CNTN4: variants seen among roughly 807,000 people sequenced by gnomAD.
CNTN4 encodes contactin-4.
In CNTN4, 77 loss-of-function variants were observed where a neutral mutation model predicts 122.5. The observed-to-expected ratio is 0.63, with a 90% CI of 0.52 to 0.76. The LOEUF is 0.76. CNTN4 is among the 30% of genes least tolerant of loss of function. The probability of loss-of-function intolerance (pLI) is 0.00; values close to 1 mark genes in which losing one functional copy is unlikely to be tolerated. For synonymous variants in CNTN4, 512 were observed against 447.0 expected (o/e 1.15, Z -1.83); for missense variants, 1,256 against 1,259.1 (o/e 1.00, Z 0.04).
At chr3:2,638,325 G>T (rs1166664383) in intron 4 of CNTN4, among the ~76,000 whole-genome samples, 45 of 152,030 alleles carry the variant, frequency 3.0e-4, no homozygotes, top group Non-Finnish European at 1.9e-4. Context: ...TCAGTGTTGT[G>T]CCCCTGTCCC....
At chr3:2,588,384 T>C (rs2080303442) in intron 4 of CNTN4, among the ~76,000 whole-genome samples, 1 of 152,178 alleles carries the variant, frequency 6.6e-6, no homozygotes, top group African/African-American at 2.4e-5. Context: ...GTTTGTTTTT[T>C]GAGACAGAGC....
At chr3:2,101,438 G>C (rs527826087) in intron 2 of CNTN4, among the ~76,000 whole-genome samples, 6 of 152,126 alleles carry the variant, frequency 3.9e-5, no homozygotes, top group African/African-American at 1.4e-4. Flanking sequence ...ATATGCATTA[G>C]CTTCAATCTC....
intron 2 of CNTN4, among the ~76,000 whole-genome samples, chr3:2,164,194 C>G (rs1012319071): frequency 1.3e-5 from 2 of 150,622 alleles, no homozygotes; most frequent in Non-Finnish European, 3.0e-5. Context: ...AAAAGGAAAG[C>G]AAAATTAAAA....
intron 3 of CNTN4, among the ~76,000 whole-genome samples, chr3:2,510,599 A>T (rs2076858209): frequency 6.6e-6 from 1 of 152,136 alleles, no homozygotes; most frequent in African/African-American, 2.4e-5. Context: ...AATGTTTTAT[A>T]TCCATAACCC....
At chr3:2,854,314 C>T (rs2093594845) in intron 7 of CNTN4, among the ~76,000 whole-genome samples, 1 of 113,756 alleles carries the variant, frequency 8.8e-6, no homozygotes, top group Non-Finnish European at 1.7e-5. Context: ...CTCTTGTTGC[C>T]CAGGCTGGAG....
chr3:2,599,646 T>C (rs1307627370), intron 4 of CNTN4, among the ~76,000 whole-genome samples: 2 of 152,210 alleles, frequency 1.3e-5, no homozygotes, highest in Non-Finnish European at 2.9e-5. Flanking sequence ...GAATGATTTG[T>C]AGCCTTTATC....
intron 2 of CNTN4, among the ~76,000 whole-genome samples, chr3:2,249,887 T>A (rs1033429900): frequency 6.6e-6 from 1 of 151,888 alleles, no homozygotes; most frequent in Non-Finnish European, 1.5e-5. Context: ...GATTTTAGAT[T>A]TTTTTCAAGA....
intron 2 of CNTN4, among the ~76,000 whole-genome samples, chr3:2,306,525 A>T (rs962756766): frequency 1.3e-5 from 2 of 152,200 alleles, no homozygotes; most frequent in African/African-American, 4.8e-5. Context: ...AGTTCTTGAT[A>T]TATTCTGGAT....
chr3:2,111,656 A>G (rs1441740377), intron 2 of CNTN4, among the ~76,000 whole-genome samples: 2 of 152,134 alleles, frequency 1.3e-5, no homozygotes, highest in Non-Finnish European at 2.9e-5. Context: ...ACAAATATAT[A>G]TTAAAGTTAG....
intron 3 of CNTN4, among the ~76,000 whole-genome samples, chr3:2,392,226 C>G (rs542258914): frequency 6.6e-6 from 1 of 152,286 alleles, no homozygotes; most frequent in African/African-American, 2.4e-5. Flanking sequence ...CACGTCATCC[C>G]CTGTGAGGCT....
Position 2,246,703 on chromosome 3 carries a change from A to G in CNTN4, c.-144-92475A>G, listed in dbSNP as rs548589008. The stretch of plus-strand genomic sequence containing the variant: ...AATAATTACCCACAAAGGGCTTTTT[A>G]CCATGAAAAGGAGAGAGGGGATGGT... On this transcript the variant is annotated intron_variant, in intron 2 of 24. Transcript: ENST00000418658. Among the ~76,000 whole-genome samples the G allele has an allele frequency of 9.2e-5, 14 of 152,154 alleles. No homozygotes were observed. The South Asian group carries it at 2.1e-3, about 23-fold the overall frequency.
chr3:3,006,551 A>C (rs1696667637), intron 14 of CNTN4, among the ~76,000 whole-genome samples: 1 of 152,216 alleles, frequency 6.6e-6, no homozygotes, highest in South Asian at 2.1e-4. Context: ...TTTATATTCA[A>C]GCTAAGGCCC....
intron 3 of CNTN4, among the ~76,000 whole-genome samples, chr3:2,384,447 A>C (rs1189923304): frequency 6.6e-6 from 1 of 152,226 alleles, no homozygotes; most frequent in Admixed American, 6.5e-5. Context: ...GTGGGGAAAA[A>C]GCAAGGGAAA....
chr3:2,191,724 A>ACACACACT (rs71056399), intron 2 of CNTN4, among the ~76,000 whole-genome samples: 1 of 151,192 alleles, frequency 6.6e-6, no homozygotes, highest in East Asian at 1.9e-4. Context: ...ACACACACAC[A>ACACACACT]TACACACACA....
intron 3 of CNTN4, among the ~76,000 whole-genome samples, chr3:2,432,058 CACAA>C (rs1308732032): frequency 6.6e-6 from 1 of 152,212 alleles, no homozygotes; most frequent in Admixed American, 6.5e-5. Context: ...ACTCTCACTG[CACAA>C]ACAATGAGCC....
At chr3:2,866,689 A>C in intron 7 of CNTN4, 63 bp from the exon 8 acceptor site, 1 of 1,465,004 alleles carries the variant, frequency 6.8e-7, no homozygotes, top group Non-Finnish European at 9.6e-7. Flanking sequence ...CATTTCTTTC[A>C]TGAAAACAGT....
At chr3:2,793,453 G>T (rs1189350135) in intron 6 of CNTN4, among the ~76,000 whole-genome samples, 3 of 152,074 alleles carry the variant, frequency 2.0e-5, no homozygotes, top group East Asian at 1.9e-4. Context: ...ATGGAACAAA[G>T]AACTTTGAGT....
In CNTN4 at chr3:2,258,863, T is replaced by C. The variant is rs1028794883; in HGVS notation, c.-144-80315T>C. On this transcript the variant is annotated intron_variant, in intron 2 of 24. Coordinates refer to ENST00000418658, the MANE Select transcript of CNTN4 (RefSeq NM_175607.3). ...TGTAAGATTTATGAGGGCAGAAAACTTTTCCATCTTGTCCACCAGTGTTTC... is the reference window on the plus strand; with the variant it reads ...TGTAAGATTTATGAGGGCAGAAAACCTTTCCATCTTGTCCACCAGTGTTTC... 3.3e-5 allele frequency among the ~76,000 whole-genome samples: 5 copies of C among 152,286 alleles called. No individual in the cohort carries two copies. In the South Asian group the frequency reaches 1.0e-3, roughly 32 times the overall value.
intron 13 of CNTN4, among the ~76,000 whole-genome samples, chr3:2,957,510 G>T (rs566886860): frequency 8.0e-4 from 121 of 152,172 alleles, no homozygotes; most frequent in African/African-American, 2.8e-3. Flanking sequence ...TTGTGTGATG[G>T]TGAGGCTTGG....
Sources: gnomAD v4.1 joint callset for allele counts (sites outside exome capture counted in the v4.1 genomes callset) on GRCh38, gnomAD v4.1.1 for gene constraint, MANE v1.5 for transcripts, NCBI Gene and HGNC (gene_info 2026-07-23, HGNC 2026-07-21) for gene names.